PRKCB: variants seen among roughly 807,000 people sequenced by gnomAD.
The protein encoded by PRKCB is protein kinase C beta type.
PRKCB carries 13 observed loss-of-function variants against 81.5 expected under a neutral mutation model. The observed-to-expected ratio is 0.16, with a 90% CI of 0.10 to 0.25. The LOEUF (loss-of-function observed/expected upper bound fraction) is 0.25. Ranked by LOEUF, PRKCB falls within the 10% of genes least tolerant of loss-of-function variation. The pLI is 1.00. For missense variants in PRKCB, 509 were observed against 875.7 expected, an observed-to-expected ratio of 0.58 and a Z score of 5.29; for synonymous variants, 335 against 321.4, an observed-to-expected ratio of 1.04 and a Z score of -0.45.
At chr16:23,873,203 A>AGAT (rs1230411661) in intron 2 of PRKCB, among the ~76,000 whole-genome samples, 3 of 71,512 alleles carry the variant, frequency 4.2e-5, no homozygotes, top group East Asian at 5.4e-4. Context: ...AAAAAAAAAA[A>AGAT]AAAAAAGAAA....
At chr16:24,199,516 T>G (rs1967925244) in intron 16 of PRKCB, among the ~76,000 whole-genome samples, 1 of 152,164 alleles carries the variant, frequency 6.6e-6, no homozygotes, top group South Asian at 2.1e-4. Flanking sequence ...AAGAAAAGGA[T>G]CTAACACTTA....
chr16:24,056,564 T>C (rs1241349914), intron 5 of PRKCB, among the ~76,000 whole-genome samples: 1 of 152,166 alleles, frequency 6.6e-6, no homozygotes, highest in Non-Finnish European at 1.5e-5. Flanking sequence ...GCTTGGGCCA[T>C]TTTTGGGTCA....
At chr16:23,980,728 TAAGA>T (rs1372077616) in intron 2 of PRKCB, among the ~76,000 whole-genome samples, 1 of 152,062 alleles carries the variant, frequency 6.6e-6, no homozygotes, top group African/African-American at 2.4e-5. Flanking sequence ...GGTTGCTTCC[TAAGA>T]ATGTCAGTTT....
At chr16:24,165,943 G>A (rs1275696794) in intron 10 of PRKCB, among the ~76,000 whole-genome samples, 4 of 137,520 alleles carry the variant, frequency 2.9e-5, no homozygotes, top group Non-Finnish European at 4.6e-5. Context: ...CTGGAGTGCA[G>A]TGGCATGATC....
intron 13 of PRKCB, among the ~76,000 whole-genome samples, chr16:24,184,019 A>G (rs1967666114): frequency 1.3e-5 from 2 of 152,244 alleles, no homozygotes; most frequent in Non-Finnish European, 2.9e-5. Flanking sequence ...CCAAATGTCT[A>G]ATTACAAGAA....
At chr16:24,056,888 G>A (rs77673790) in intron 5 of PRKCB, among the ~76,000 whole-genome samples, 17,041 of 152,134 alleles carry the variant, frequency 0.11, 1,066 homozygotes, top group African/African-American at 0.18. Context: ...CAACGCAAAC[G>A]GATGAACACA....
intron 5 of PRKCB, among the ~76,000 whole-genome samples, chr16:24,040,762 A>G (rs1454146122): frequency 6.6e-6 from 1 of 152,202 alleles, no homozygotes; most frequent in Non-Finnish European, 1.5e-5. Context: ...TGTCCAATTT[A>G]TACCATTATT....
chr16:23,862,943 AG>A (rs111314787), intron 2 of PRKCB, among the ~76,000 whole-genome samples: 9,837 of 152,072 alleles, frequency 0.065, 1,037 homozygotes, highest in African/African-American at 0.22. Context: ...TTGAGAACAA[AG>A]GCATTCCTAA....
In PRKCB at chr16:23,882,021, T is replaced by TCTTTCTTTCTTTCTTCCTTCCTTCCTTC; in HGVS notation, c.205+44618_205+44619insTCTTTCTTTCTTCCTTCCTTCCTTCCTT. Among the ~76,000 whole-genome samples, 10 of 55,636 alleles carry TCTTTCTTTCTTTCTTCCTTCCTTCCTTC rather than the reference T, an allele frequency of 1.8e-4. 2 individuals are homozygous for TCTTTCTTTCTTTCTTCCTTCCTTCCTTC. The highest frequency in any genetic ancestry group is 3.5e-4 in the African/African-American group (6 of 16,912). 36.5% of individuals were successfully genotyped at this position (55,636 alleles called of 152,430 possible). On this transcript the variant is annotated intron_variant, in intron 2 of 16. Coordinates refer to ENST00000643927, the MANE Select transcript of PRKCB (RefSeq NM_002738.7). ...TTCTTTCTTTCTTTCTTTCTTTCTT[T>TCTTTCTTTCTTTCTTCCTTCCTTCCTTC]CTTCCTTCCTTCCTTCCTTCCTTCC...
intron 16 of PRKCB, chr16:24,208,119 C>T (rs918444667): frequency 1.3e-5 from 2 of 152,216 alleles, no homozygotes; most frequent in Admixed American, 6.5e-5. Flanking sequence ...TTAAAAGATC[C>T]CTTTAGCTGG....
chr16:23,854,788 A>G (rs1962534886), intron 2 of PRKCB, among the ~76,000 whole-genome samples: 1 of 152,140 alleles, frequency 6.6e-6, no homozygotes, highest in Non-Finnish European at 1.5e-5. Context: ...GGAACCCACC[A>G]CACTAATTTC....
intron 7 of PRKCB, among the ~76,000 whole-genome samples, chr16:24,108,279 AT>A (rs869060447): frequency 1.7e-4 from 13 of 77,110 alleles, no homozygotes; most frequent in African/African-American, 7.6e-4. Flanking sequence ...TCTTTTATTT[AT>A]TTATTTTTTT....
intron 2 of PRKCB, among the ~76,000 whole-genome samples, chr16:23,986,126 G>A (rs1432728011): frequency 6.6e-6 from 1 of 152,156 alleles, no homozygotes; most frequent in Admixed American, 6.6e-5. Flanking sequence ...AAACTCCAAA[G>A]AGTAATATTT....
intron 2 of PRKCB, among the ~76,000 whole-genome samples, chr16:23,920,539 A>G (rs750085158): frequency 3.9e-5 from 6 of 152,156 alleles, no homozygotes; most frequent in African/African-American, 1.4e-4. Context: ...TTTTGACACT[A>G]ATGGAACAAT....
At chr16:24,196,190 G>A (rs1252258363) in intron 16 of PRKCB, among the ~76,000 whole-genome samples, 1 of 152,182 alleles carries the variant, frequency 6.6e-6, no homozygotes, top group Non-Finnish European at 1.5e-5. Context: ...GCCTAGCATA[G>A]GGTTTAGCAC....
chr16:24,011,249 T>C (rs1965199273), intron 3 of PRKCB, among the ~76,000 whole-genome samples: 1 of 152,198 alleles, frequency 6.6e-6, no homozygotes, highest in Non-Finnish European at 1.5e-5. Context: ...AGTCTCACTG[T>C]TTCTATCTAT....
intron 9 of PRKCB, among the ~76,000 whole-genome samples, chr16:24,151,059 T>G (rs1189592695): frequency 6.6e-6 from 1 of 152,226 alleles, no homozygotes; most frequent in African/African-American, 2.4e-5. Flanking sequence ...CAACTGCTAC[T>G]TGAGATTGTT....
At chr16:24,024,423 G>A (rs1410842257) in intron 3 of PRKCB, among the ~76,000 whole-genome samples, 2 of 152,184 alleles carry the variant, frequency 1.3e-5, no homozygotes, top group Admixed American at 1.3e-4. Context: ...GGTGACATTA[G>A]TCAATAATAT....
intron 2 of PRKCB, among the ~76,000 whole-genome samples, chr16:23,977,981 G>T (rs1265367018): frequency 6.6e-6 from 1 of 152,096 alleles, no homozygotes; most frequent in African/African-American, 2.4e-5. Flanking sequence ...AGCCAGGCAC[G>T]TGGTAGGCAC....
Sources: gnomAD v4.1 joint callset for allele counts (sites outside exome capture counted in the v4.1 genomes callset) on GRCh38, gnomAD v4.1.1 for gene constraint, MANE v1.5 for transcripts, NCBI Gene and HGNC (gene_info 2026-07-23, HGNC 2026-07-21) for gene names.